Variants in FLG2 observed in about 807,000 individuals in gnomAD.
FLG2 encodes filaggrin-2.
A neutral mutation model predicts 3.9 loss-of-function variants in FLG2; 7 were observed. The ratio of observed to expected loss-of-function variants is 1.79; its 90% confidence interval spans 1.02 to 3.36. The LOEUF (loss-of-function observed/expected upper bound fraction) is 3.36, where lower values mean the gene tolerates loss of function less well. Among genes scored for constraint, FLG2 ranks in the 30% most tolerant of loss-of-function variants. The probability of loss-of-function intolerance (pLI) is 0.00; values close to 1 mark genes in which losing one functional copy is unlikely to be tolerated. For synonymous variants in FLG2, 1,031 were observed against 1,056.1 expected, an observed-to-expected ratio of 0.98 and a Z score of 0.46; for missense variants, 2,700 against 2,809.4, an observed-to-expected ratio of 0.96 and a Z score of 0.88.
rs768124580 is a variant in FLG2 at position 152,353,209 on chromosome 1, C to T, written c.4577G>A (p.Gly1526Glu). Reference sequence around the variant, plus strand: ...GGATTCTGACTCTCCATGTTGAGATCCACTTTGGCCGTGAGTGTGTCCTGA... The same window carrying T: ...GGATTCTGACTCTCCATGTTGAGATTCACTTTGGCCGTGAGTGTGTCCTGA... ...THSGHTHGQS[G>E]SQHGESESII... Residue 1526 changes from glycine (G) to glutamate (E), a missense_variant, in exon 3 of 3, where the codon GGA (glycine) becomes GAA (glutamate). Physicochemically the swap from Gly to Glu is moderately conservative, Grantham distance 98. Coordinates refer to ENST00000388718, the MANE Select transcript of FLG2 (RefSeq NM_001014342.3). The T allele has an allele frequency of 1.0e-5, 16 of 1,607,522 alleles. No homozygotes were observed. The highest frequency in any genetic ancestry group is 1.4e-5 in the Non-Finnish European group (16 of 1,177,892).
At position 152,355,944 on chromosome 1, in the gene FLG2, A is replaced by T. The variant is rs1274208527; in HGVS notation, c.1842T>A (p.Gly614=). 2.5e-6 allele frequency: 4 copies of T among 1,605,470 alleles called. No homozygotes were observed. In the African/African-American group the frequency reaches 5.5e-5, roughly 22 times the overall value. ...AACTGTGTTGGCCATAACTAGACTGACCTGATCTAGACTCATGTTGTCCAA... is the reference window on the plus strand; with the variant it reads ...AACTGTGTTGGCCATAACTAGACTGTCCTGATCTAGACTCATGTTGTCCAA... ...SGFGQHESRS[G]QSSYGQHSSG... The change falls in exon 3 of 3, where the codon GGT becomes GGA. Residue 614 remains glycine, a synonymous_variant. Transcript: ENST00000388718.
At position 152,354,441 on chromosome 1, in the gene FLG2, A is replaced by T. The variant is rs931841555; in HGVS notation, c.3345T>A (p.Phe1115Leu). ...GACCTGAGCCCGATCCATATTGGCC[A>T]AAGCCAGAGGACTGACCTGAGCCTG... The part of the protein sequence containing the change: ...HRPGSGQSSG[F>L]GQYGSGSGQS... The change falls in exon 3 of 3, where the codon TTT (phenylalanine) becomes TTA (leucine). Residue 1115 changes from phenylalanine to leucine, a missense_variant. Physicochemically the swap from Phe to Leu is conservative, Grantham distance 22. Coordinates refer to ENST00000388718, the MANE Select transcript of FLG2 (RefSeq NM_001014342.3). 5 of 1,614,174 alleles carry T rather than the reference A, an allele frequency of 3.1e-6. No individual in the cohort carries two copies. The highest frequency in any genetic ancestry group is 4.2e-6 in the Non-Finnish European group (5 of 1,180,028).
In FLG2 at chr1:152,354,768, T is replaced by G; in HGVS notation, c.3018A>C (p.Ser1006=). The change falls in exon 3 of 3, where the codon TCA becomes TCC. Residue 1006 remains serine (S), a synonymous_variant. Transcript: ENST00000388718. ...GTTGACCATAGCCAGATGACTGACT[T>G]GAGCCAGAACCATGTTGGCCATAAT... ...QSNYGQHGSG[S]SQSSGYGQHG... 1 of 1,613,710 alleles carries G rather than the reference T, an allele frequency of 6.2e-7. No individual in the cohort carries two copies. Among genetic ancestry groups the G allele is most frequent in the Non-Finnish European group, 8.5e-7 (1 of 1,179,936 alleles).
At position 152,357,109 on chromosome 1, in the gene FLG2, C is replaced by G. The variant is rs752889805; in HGVS notation, c.677G>C (p.Gly226Ala). 6 of 1,614,052 alleles carry G rather than the reference C, an allele frequency of 3.7e-6. No individual in the cohort carries two copies. Among genetic ancestry groups the G allele is most frequent in the Non-Finnish European group, 5.1e-6 (6 of 1,180,036 alleles). The stretch of plus-strand genomic sequence containing the variant: ...CCTTTCCCAACTGTTTGATCCAGAT[C>G]CAGATTCATACTCCTCCCCAGATTC... ...SRESGEEYES[G>A]SGSNSWERKG... Residue 226 changes from glycine (G) to alanine (A), a missense_variant, in exon 3 of 3, where the codon GGA (glycine) becomes GCA (alanine). Transcript: ENST00000388718.
rs1431474201 is a variant in FLG2, at chr1:152,352,515, T to C, written c.5271A>G (p.Gly1757=). ...TCTCATGAACTATGGATTCTGACTCTCCATGTTGAGATCTGGCTTGGCCAT... is the reference window on the plus strand; with the variant it reads ...TCTCATGAACTATGGATTCTGACTCCCCATGTTGAGATCTGGCTTGGCCAT... ...HTHGQARSQH[G]ESESIVHERH... Residue 1757 remains glycine (G), a synonymous_variant, in exon 3 of 3, where the codon GGA becomes GGG. Transcript: ENST00000388718. 1.2e-6 allele frequency: 2 copies of C among 1,613,700 alleles called. No homozygotes were observed. The highest frequency in any genetic ancestry group is 2.2e-5 in the East Asian group (1 of 44,850).
In FLG2 at chr1:152,357,315, G is replaced by A. The variant is rs768014810; in HGVS notation, c.471C>T (p.Ser157=). ...SRGTVKCRHG[S]NSRRLGRQGN... is the part of the protein sequence containing the mutation. ...CTTGTCTTCCTAGCCTCCTGGAGTT[G>A]GACCCATGTCTACATTTCACAGTTC... is the stretch of plus-strand genomic sequence containing the variant. The change falls in exon 3 of 3, where the codon TCC becomes TCT. Residue 157 remains serine, a synonymous_variant. Coordinates refer to ENST00000388718, the MANE Select transcript of FLG2 (RefSeq NM_001014342.3). The A allele has an allele frequency of 6.2e-7, 1 of 1,614,108 alleles. No homozygotes were observed. Among genetic ancestry groups the A allele is most frequent in the Non-Finnish European group, 8.5e-7 (1 of 1,180,022 alleles).
chr1:152,357,290 C>G lies in FLG2; in HGVS notation c.496G>C (p.Gly166Arg), dbSNP rs1386084439. The part of the protein sequence containing the change: ...GSNSRRLGRQ[G>R]NLSSSGNQEG... ...TGGTTCCCAGAGCTGGATAAATTAC[C>G]TTGTCTTCCTAGCCTCCTGGAGTTG... Residue 166 changes from glycine (G) to arginine (R), a missense_variant, in exon 3 of 3, where the codon GGT (glycine) becomes CGT (arginine). Transcript: ENST00000388718. 3.1e-6 allele frequency: 5 copies of G among 1,614,124 alleles called. No homozygotes were observed. In the Admixed American group the frequency reaches 8.3e-5, roughly 27 times the overall value.
rs1284582574 is a variant in FLG2, at chr1:152,351,002, C to T, written c.6784G>A (p.Glu2262Lys). ...GTGTGTGAGCCCCATGAGTGCACTT[C>T]ACTGTCACTGGACTCACTGTGGCCA... ...GSGHSESSDSEVHSWGSHTHS... is the reference protein window; with the variant it reads ...GSGHSESSDSKVHSWGSHTHS... Residue 2262 changes from glutamate (E) to lysine (K), a missense_variant, in exon 3 of 3, where the codon GAA becomes AAA. Transcript: ENST00000388718. The T allele has an allele frequency of 1.9e-6, 3 of 1,613,734 alleles. No individual in the cohort carries two copies. Among genetic ancestry groups the T allele is most frequent in the Non-Finnish European group, 8.5e-7 (1 of 1,179,970 alleles).
In FLG2 at chr1:152,352,786, T is replaced by C. The variant is rs1471015105; in HGVS notation, c.5000A>G (p.His1667Arg). 6.2e-7 allele frequency: 1 copy of C among 1,613,960 alleles called. No homozygotes were observed. Among genetic ancestry groups the C allele is most frequent in the African/African-American group, 1.3e-5 (1 of 74,870 alleles). The change falls in exon 3 of 3, where the codon CAC becomes CGC. Residue 1667 changes from histidine (H) to arginine (R), a missense_variant. Physicochemically the swap from His to Arg is conservative, Grantham distance 29. Coordinates refer to ENST00000388718, the MANE Select transcript of FLG2 (RefSeq NM_001014342.3). ...SDSEVHSGVS[H>R]THTGHTHGQA... is the part of the protein sequence containing the mutation. ...ACCATGAGTGTGTCCTGTATGTGTG[T>C]GTGAGACCCCTGAGTGCACTTCACT...
Position 152,357,304 on chromosome 1 carries a change from C to T in FLG2, c.482G>A (p.Arg161Lys). ...VKCRHGSNSRRLGRQGNLSSS... is the reference protein window; with the variant it reads ...VKCRHGSNSRKLGRQGNLSSS... ...GGATAAATTACCTTGTCTTCCTAGC[C>T]TCCTGGAGTTGGACCCATGTCTACA... is the stretch of plus-strand genomic sequence containing the variant. The change falls in exon 3 of 3, where the codon AGG becomes AAG. Residue 161 changes from arginine to lysine, a missense_variant. Physicochemically the swap from Arg to Lys is conservative, Grantham distance 26 (BLOSUM62 2). Coordinates refer to ENST00000388718, the MANE Select transcript of FLG2 (RefSeq NM_001014342.3). 1 of 1,614,190 alleles carries T rather than the reference C, an allele frequency of 6.2e-7. No homozygotes were observed. The highest frequency in any genetic ancestry group is 8.5e-7 in the Non-Finnish European group (1 of 1,180,040).
chr1:152,352,810 C>T lies in FLG2; in HGVS notation c.4976G>A (p.Ser1659Asn). Residue 1659 changes from serine (S) to asparagine (N), a missense_variant, in exon 3 of 3, where the codon AGT (serine) becomes AAT (asparagine). By Grantham distance (46) the Ser-to-Asn change is conservative (BLOSUM62 1). Transcript: ENST00000388718. ...GTGTGAGACCCCTGAGTGCACTTCACTGTCACTGGACTCACTGTGGCTAGA... is the reference window on the plus strand; with the variant it reads ...GTGTGAGACCCCTGAGTGCACTTCATTGTCACTGGACTCACTGTGGCTAGA... ...QRSSHSESSD[S>N]EVHSGVSHTH... 1 of 1,614,006 alleles carries T rather than the reference C, an allele frequency of 6.2e-7. No homozygotes were observed. Among genetic ancestry groups the T allele is most frequent in the Non-Finnish European group, 8.5e-7 (1 of 1,179,994 alleles).
chr1:152,356,811 T>C lies in FLG2; in HGVS notation c.975A>G (p.Gln325=), dbSNP rs752205246. 58 of 1,614,098 alleles carry C rather than the reference T, an allele frequency of 3.6e-5. No individual in the cohort carries two copies. Among genetic ancestry groups the C allele is most frequent in the Non-Finnish European group, 4.7e-5 (56 of 1,180,052 alleles). The change falls in exon 3 of 3, where the codon CAA becomes CAG. Residue 325 remains glutamine (Q), a synonymous_variant. Coordinates refer to ENST00000388718, the MANE Select transcript of FLG2 (RefSeq NM_001014342.3). The part of the protein sequence containing the change: ...SGCQSGIKGG[Q]GHGCVSGGQP... ...GACCTCCTGAGACACAGCCATGGCC[T>C]TGTCCTCCCTTAATTCCTGACTGAC...
chr1:152,357,578 C>T lies in FLG2; in HGVS notation c.208G>A (p.Asp70Asn), dbSNP rs1229822770. The T allele has an allele frequency of 1.2e-6, 2 of 1,613,964 alleles. No individual in the cohort carries two copies. Among genetic ancestry groups the T allele is most frequent in the East Asian group, 4.5e-5 (2 of 44,890 alleles). ...MLDRDHDRRL[D>N]FTEFLLMIFK... ...ATCATCAAAAGAAACTCAGTAAAGT[C>T]CAATCTTCTGTCATGATCTCGATCC... The change falls in exon 3 of 3, where the codon GAC (aspartate) becomes AAC (asparagine). Residue 70 changes from aspartate (D) to asparagine (N), a missense_variant. Transcript: ENST00000388718.
At position 152,352,389 on chromosome 1, in the gene FLG2, CCTT is replaced by C; in HGVS notation, c.5394_5396del (p.Arg1799del). 1 of 1,613,738 alleles carries C rather than the reference CCTT, an allele frequency of 6.2e-7. No individual in the cohort carries two copies. The highest frequency in any genetic ancestry group is 8.5e-7 in the Non-Finnish European group (1 of 1,179,930). ...CACTGTACTCACTGTGGCCAGATGA[CCTT>C]CTTCCAGTGGTCCTGGACCCTGTCT... On this transcript the variant is annotated inframe_deletion, in exon 3 of 3. Transcript: ENST00000388718.
intron 1 of FLG2, 66 bp from the exon 2 acceptor site, chr1:152,358,972 T>A: frequency 7.1e-7 from 1 of 1,413,256 alleles, no homozygotes; most frequent in Non-Finnish European, 9.5e-7. Context: ...ATTTTCATTT[T>A]AATAATAACC....
chr1:152,351,268 G>C lies in FLG2; in HGVS notation c.6518C>G (p.Thr2173Ser), dbSNP rs1158306489. Residue 2173 changes from threonine to serine, a missense_variant, in exon 3 of 3, where the codon ACT becomes AGT. Thr to Ser is a moderately conservative substitution (Grantham distance 58). Transcript: ENST00000388718. ...ACTGTGACTAGATCTTTGTCTTCCA[G>C]TTGTCCTGGAACCTGTCTGTGTGGA... is the stretch of plus-strand genomic sequence containing the variant. The part of the protein sequence containing the change: ...GQSTQTGSRT[T>S]GRQRSSHSES... 6.2e-7 allele frequency: 1 copy of C among 1,612,196 alleles called. No homozygotes were observed. Among genetic ancestry groups the C allele is most frequent in the African/African-American group, 1.3e-5 (1 of 74,296 alleles).
At chr1:152,358,071 G>T (rs1343663752) in intron 2 of FLG2, among the ~76,000 whole-genome samples, 1 of 151,578 alleles carries the variant, frequency 6.6e-6, no homozygotes, top group Non-Finnish European at 1.5e-5. Context: ...GCCCAGGCTG[G>T]AGTGCAGTGG....
Position 152,353,304 on chromosome 1 carries a change from A to G in FLG2, c.4482T>C (p.Thr1494=). The change falls in exon 3 of 3, where the codon ACT becomes ACC. Residue 1494 remains threonine (T), a synonymous_variant. Transcript: ENST00000388718. ...GKSTQRGSST[T]GRRGSGHSES... ...CACTGTGGCCAGATCCCCTTCTTCC[A>G]GTTGTACTGGACCCTCTCTGTGTGG... 1.2e-6 allele frequency: 2 copies of G among 1,608,570 alleles called. No homozygotes were observed. Among genetic ancestry groups the G allele is most frequent in the Non-Finnish European group, 1.7e-6 (2 of 1,178,124 alleles).
In FLG2 at chr1:152,351,928, G is replaced by A. The variant is rs769444603; in HGVS notation, c.5858C>T (p.Ser1953Phe). ...TGSRTTGRRG[S>F]GHSEYSDSEG... ...ACTGTCACTGTACTCACTGTGGCCA[G>A]ATCCCCTTCTTCCAGTTGTCCTGGA... The change falls in exon 3 of 3, where the codon TCT becomes TTT. Residue 1953 changes from serine (S) to phenylalanine (F), a missense_variant. Transcript: ENST00000388718. The A allele has an allele frequency of 6.2e-7, 1 of 1,613,934 alleles. No homozygotes were observed. Among genetic ancestry groups the A allele is most frequent in the South Asian group, 1.1e-5 (1 of 91,074 alleles).
Sources: allele counts gnomAD v4.1 joint callset (sites outside exome capture counted in the v4.1 genomes callset), GRCh38; gene constraint gnomAD v4.1.1; transcripts MANE v1.5; gene names NCBI Gene and HGNC (gene_info 2026-07-23, HGNC 2026-07-21).